The following CLASP1 variants were observed in gnomAD, a reference collection of about 807,000 sequenced individuals.
CLASP1 encodes CLIP-associating protein 1.
In CLASP1, 38 loss-of-function variants were observed where a neutral mutation model predicts 192.3. The ratio of observed to expected loss-of-function variants is 0.20; its 90% confidence interval spans 0.15 to 0.26. CLASP1 has a LOEUF of 0.26. Among genes scored for constraint, CLASP1 ranks in the 10% least tolerant of loss-of-function variants. The pLI is 1.00. For synonymous variants in CLASP1, 691 were observed against 712.8 expected, an observed-to-expected ratio of 0.97 and a Z score of 0.49; for missense variants, 1,433 against 1,932.5, an observed-to-expected ratio of 0.74 and a Z score of 4.85.
intron 7 of CLASP1, among the ~76,000 whole-genome samples, chr2:121,504,581 T>C (rs12052709): frequency 0.039 from 5,985 of 152,302 alleles, 167 homozygotes; most frequent in East Asian, 0.14. Flanking sequence ...CAAGCTCTGG[T>C]GTTAGTTCAT....
At chr2:121,464,990 C>G (rs576977484) in intron 9 of CLASP1, among the ~76,000 whole-genome samples, 181 of 152,202 alleles carry the variant, frequency 1.2e-3, no homozygotes, top group African/African-American at 4.0e-3. Context: ...TAAAAACTCT[C>G]AATAAATTAG....
Position 121,363,160 on chromosome 2 carries a change from T to C in CLASP1, c.4206+12A>G. ...CGTCTGTTCAGCACCCCTGGCCACATGACTGACTCACCTCCTTATGGGAGT... is the reference window on the plus strand; with the variant it reads ...CGTCTGTTCAGCACCCCTGGCCACACGACTGACTCACCTCCTTATGGGAGT... On this transcript the variant is annotated intron_variant, in intron 37 of 39. Coordinates refer to ENST00000263710, the Ensembl canonical transcript of CLASP1. 6.2e-7 allele frequency: 1 copy of C among 1,613,948 alleles called. No individual in the cohort carries two copies. The highest frequency in any genetic ancestry group is 8.5e-7 in the Non-Finnish European group (1 of 1,179,854).
At position 121,638,457 on chromosome 2, in the gene CLASP1, G is replaced by A. The variant is rs142142760; in HGVS notation, c.-286+10915C>T. ...TACAACATAGAATCACCCAAATGAC[G>A]CAACAATTCCACTCCAAGGTATATA... On this transcript the variant is annotated intron_variant, in intron 1 of 39. Transcript: ENST00000263710. Among the ~76,000 whole-genome samples the A allele has an allele frequency of 2.3e-3, 355 of 151,996 alleles. 4 individuals are homozygous for A. The highest frequency in any genetic ancestry group is 7.2e-3 in the African/African-American group (300 of 41,446).
chr2:121,636,901 T>C (rs1049735167), intron 1 of CLASP1, among the ~76,000 whole-genome samples: 2 of 152,026 alleles, frequency 1.3e-5, no homozygotes, highest in Non-Finnish European at 2.9e-5. Context: ...AACCAGTAAT[T>C]TTTTAAGAAC....
chr2:121,479,054 CCCCACA>C (rs1165879403), intron 8 of CLASP1, among the ~76,000 whole-genome samples: 20 of 96,786 alleles, frequency 2.1e-4, no homozygotes, highest in Non-Finnish European at 2.6e-4. Flanking sequence ...CACACCCCCC[CCCCACA>C]CACACACACA....
intron 8 of CLASP1, among the ~76,000 whole-genome samples, chr2:121,479,315 C>G (rs1399980724): frequency 6.6e-6 from 1 of 151,628 alleles, no homozygotes; most frequent in Non-Finnish European, 1.5e-5. Context: ...AAACTTAGAA[C>G]CAATAAACAA....
At chr2:121,557,634 C>T (rs2058693224) in intron 2 of CLASP1, among the ~76,000 whole-genome samples, 1 of 151,448 alleles carries the variant, frequency 6.6e-6, no homozygotes, top group Admixed American at 6.6e-5. Flanking sequence ...GTGGAAAGAA[C>T]AGAATCAACC....
At chr2:121,437,966 A>T (rs542213760) in intron 19 of CLASP1, among the ~76,000 whole-genome samples, 2 of 152,360 alleles carry the variant, frequency 1.3e-5, no homozygotes, top group East Asian at 3.9e-4. Context: ...ATATATCCTT[A>T]AAAAATGCGA....
chr2:121,348,899 G>A (rs1244044816), intron 37 of CLASP1, among the ~76,000 whole-genome samples, 181 bp from the exon 39 acceptor site: 2 of 152,134 alleles, frequency 1.3e-5, no homozygotes, highest in African/African-American at 2.4e-5. Context: ...AAAGGGGAGC[G>A]TGGGCCACGG....
rs761317229 is a variant in CLASP1, at chr2:121,515,621, G to C, written c.644+44C>G. 2.8e-6 allele frequency: 4 copies of C among 1,419,576 alleles called. No homozygotes were observed. The South Asian group carries it at 3.5e-5, about 12-fold the overall frequency. 87.9% of individuals were successfully genotyped at this position (1,419,576 alleles called of 1,614,324 possible). On this transcript the variant is annotated intron_variant, in intron 7 of 39. Coordinates refer to ENST00000263710, the Ensembl canonical transcript of CLASP1. Reference sequence around the variant, plus strand: ...ATATTAACTGGAAAACAAAGGGGGCGGGGGGTTGGGTAGAGCAGAAGAAAG... The same window carrying C: ...ATATTAACTGGAAAACAAAGGGGGCCGGGGGTTGGGTAGAGCAGAAGAAAG...
intron 39 of CLASP1, among the ~76,000 whole-genome samples, chr2:121,344,442 CTGCCT>C (rs1165772614): frequency 1.3e-5 from 2 of 152,030 alleles, no homozygotes; most frequent in Non-Finnish European, 2.9e-5. Flanking sequence ...AGCGATTCTC[CTGCCT>C]CGGCCTCCTG....
chr2:121,528,253 A>G (rs992279555), intron 4 of CLASP1, among the ~76,000 whole-genome samples: 1 of 152,088 alleles, frequency 6.6e-6, no homozygotes, highest in African/African-American at 2.4e-5. Flanking sequence ...ACCCCCCAAT[A>G]AAGGACAGTA....
At chr2:121,389,477 G>T (rs1240244475) in intron 30 of CLASP1, among the ~76,000 whole-genome samples, 1 of 138,114 alleles carries the variant, frequency 7.2e-6, no homozygotes, top group Non-Finnish European at 1.5e-5. Flanking sequence ...CATTGTATTA[G>T]GTGTTAGAAA....
intron 1 of CLASP1, among the ~76,000 whole-genome samples, chr2:121,628,342 C>T (rs2068771637): frequency 6.6e-6 from 1 of 152,090 alleles, no homozygotes; most frequent in Admixed American, 6.6e-5. Flanking sequence ...AAAAACCTAA[C>T]CATCACTCTA....
intron 39 of CLASP1, among the ~76,000 whole-genome samples, chr2:121,343,311 A>G (rs1283554048): frequency 6.6e-6 from 1 of 152,228 alleles, no homozygotes; most frequent in Non-Finnish European, 1.5e-5. Flanking sequence ...AAATGGTGCA[A>G]TCTCTGTGGA....
intron 34 of CLASP1, among the ~76,000 whole-genome samples, chr2:121,371,202 T>A (rs1274444990): frequency 1.4e-5 from 2 of 145,080 alleles, no homozygotes; most frequent in African/African-American, 5.2e-5. Flanking sequence ...ACATATTAAG[T>A]GTGTGTGTGT....
At chr2:121,485,356 T>C (rs2092900898) in intron 8 of CLASP1, among the ~76,000 whole-genome samples, 1 of 152,238 alleles carries the variant, frequency 6.6e-6, no homozygotes. Context: ...GGGTTTACCC[T>C]GTGGGTCTAC....
At chr2:121,619,804 A>AT (rs2067029864) in intron 1 of CLASP1, among the ~76,000 whole-genome samples, 1 of 151,944 alleles carries the variant, frequency 6.6e-6, no homozygotes, top group Non-Finnish European at 1.5e-5. Flanking sequence ...AATTGCTTCT[A>AT]TTTTTTTCTA....
intron 8 of CLASP1, among the ~76,000 whole-genome samples, chr2:121,502,752 G>A (rs540714073): frequency 2.6e-5 from 4 of 152,138 alleles, no homozygotes; most frequent in African/African-American, 9.7e-5. Flanking sequence ...AACACCACCC[G>A]ACTTGTATTC....
Sources: allele counts gnomAD v4.1 joint callset (sites outside exome capture counted in the v4.1 genomes callset), GRCh38; gene constraint gnomAD v4.1.1; transcripts MANE v1.5; gene names NCBI Gene and HGNC (gene_info 2026-07-23, HGNC 2026-07-21).